SERAC1: variants seen among roughly 807,000 people sequenced by gnomAD.
SERAC1 encodes the protein protein SERAC1.
In SERAC1, 36 loss-of-function variants were observed where a neutral mutation model predicts 85.7. The ratio of observed to expected loss-of-function variants is 0.42; its 90% CI spans 0.32 to 0.55. The LOEUF (loss-of-function observed/expected upper bound fraction) is 0.55, where lower values mean the gene tolerates loss of function less well. Ranked by LOEUF, SERAC1 falls within the 20% of genes least tolerant of loss-of-function variation. The pLI, the probability that SERAC1 is intolerant of heterozygous loss-of-function variation, is 0.11. For missense variants in SERAC1, 629 were observed against 796.2 expected (o/e 0.79, Z 2.53); for synonymous variants, 242 against 265.3 (o/e 0.91, Z 0.85).
At chr6:158,115,795 C>T (rs1441506764) in intron 14 of SERAC1, among the ~76,000 whole-genome samples, 1 of 152,168 alleles carries the variant, frequency 6.6e-6, no homozygotes, top group African/African-American at 2.4e-5. Context: ...CTAAAGCGAC[C>T]ATAGACTGCA....
At chr6:158,111,949 G>A (rs1784152968) in intron 16 of SERAC1, 1 of 153,320 alleles carries the variant, frequency 6.5e-6, no homozygotes, top group Admixed American at 6.4e-5. Context: ...ATGATTTAGT[G>A]CTTGAGATAT....
intron 9 of SERAC1, among the ~76,000 whole-genome samples, chr6:158,129,702 T>G (rs571000353): frequency 3.1e-5 from 1 of 32,210 alleles, no homozygotes; most frequent in African/African-American, 1.8e-4. Flanking sequence ...TTTTGTTTTG[T>G]TTTTTTTTTT....
intron 10 of SERAC1, among the ~76,000 whole-genome samples, chr6:158,122,005 T>C (rs1012766066): frequency 2.0e-5 from 3 of 152,266 alleles, no homozygotes; most frequent in African/African-American, 7.2e-5. Flanking sequence ...CAGTCAACAA[T>C]GAACCACAAA....
chr6:158,141,695 C>T (rs544537036), intron 8 of SERAC1, among the ~76,000 whole-genome samples: 1 of 152,206 alleles, frequency 6.6e-6, no homozygotes, highest in African/African-American at 2.4e-5. Context: ...GCCAGGGATA[C>T]CTTGTCAAAA....
rs1254824606 is a variant in SERAC1, at chr6:158,143,002, C to T, written c.738+54G>A. 4 of 1,423,434 alleles carry T rather than the reference C, an allele frequency of 2.8e-6. No homozygotes were observed. The East Asian group carries it at 6.9e-5, about 24-fold the overall frequency. 88.2% of individuals were successfully genotyped at this position (1,423,434 alleles called of 1,614,324 possible). A position where few individuals can be genotyped will look rare whatever the true frequency, so the allele number is the denominator to read the frequency against. On this transcript the variant is annotated intron_variant, in intron 8 of 16. Transcript: ENST00000647468. Reference sequence around the variant, plus strand: ...GTGAATGCCAGCCACTGACACAATACATTGGAAAGGGTGGACACTCAAAAA... The same window carrying T: ...GTGAATGCCAGCCACTGACACAATATATTGGAAAGGGTGGACACTCAAAAA...
chr6:158,133,266 C>A (rs1001429688), intron 8 of SERAC1, among the ~76,000 whole-genome samples: 4 of 151,080 alleles, frequency 2.6e-5, no homozygotes, highest in African/African-American at 9.7e-5. Context: ...GCCACTGCAC[C>A]CCAGCCTGGG....
chr6:158,141,650 G>A (rs997797208), intron 8 of SERAC1, among the ~76,000 whole-genome samples: 5 of 152,072 alleles, frequency 3.3e-5, no homozygotes, highest in African/African-American at 9.7e-5. Flanking sequence ...TTGGAGAAGC[G>A]GCCAAATCTT....
Position 158,117,548 on chromosome 6 carries a change from TCCA to T in SERAC1, c.1403+176_1403+178del. On this transcript the variant is annotated intron_variant, in intron 13 of 16. Coordinates refer to ENST00000647468, the MANE Select transcript of SERAC1 (RefSeq NM_032861.4). This position sits in a 1 kb window ranked among gnomAD's most constrained non-coding sequence, Gnocchi z 4.3. ...GTGATATACCTAAGCCTTCTACTAT[TCCA>T]CTGCTTATTGACAGCAAACTCCTTC... 6.4e-7 allele frequency: 1 copy of T among 1,550,906 alleles called. No homozygotes were observed. Among genetic ancestry groups the T allele is most frequent in the Non-Finnish European group, 8.7e-7 (1 of 1,147,006 alleles).
At chr6:158,133,452 C>T (rs1784725914) in intron 8 of SERAC1, among the ~76,000 whole-genome samples, 2 of 130,942 alleles carry the variant, frequency 1.5e-5, no homozygotes, top group South Asian at 4.9e-4. Context: ...GTGGTGCAAT[C>T]TCAGCTCGCT....
intron 1 of SERAC1, chr6:158,160,824 T>G (rs917955324): frequency 9.2e-5 from 13 of 142,068 alleles, no homozygotes; most frequent in African/African-American, 4.1e-4. Flanking sequence ...CTCTCCTATC[T>G]TGTCTAGTAT....
At chr6:158,137,240 T>C (rs1784815309) in intron 8 of SERAC1, among the ~76,000 whole-genome samples, 1 of 151,594 alleles carries the variant, frequency 6.6e-6, no homozygotes. Flanking sequence ...TATTTAAATA[T>C]TAAATTAATT....
intron 7 of SERAC1, 54 bp downstream of exon 7, chr6:158,144,245 A>C: frequency 7.1e-7 from 1 of 1,412,742 alleles, no homozygotes; most frequent in Non-Finnish European, 9.8e-7. Flanking sequence ...AGTGAAGATA[A>C]TATATTAAAC....
chr6:158,114,779 A>AAAGTATTAAC lies in SERAC1; in HGVS notation c.1684+9_1684+10insGTTAATACTT. ...ATAACCCCAATTTCCTTTATGACAA[A>AAAGTATTAAC]AAGTATTACCCTTGCTGAGTTCTTT... On this transcript the variant is annotated intron_variant, in intron 15 of 16. Coordinates refer to ENST00000647468, the MANE Select transcript of SERAC1 (RefSeq NM_032861.4). The AAAGTATTAAC allele has an allele frequency of 6.2e-7, 1 of 1,613,608 alleles. No homozygotes were observed. Among genetic ancestry groups the AAAGTATTAAC allele is most frequent in the Non-Finnish European group, 8.5e-7 (1 of 1,179,664 alleles).
rs760987565 is a variant in SERAC1, at chr6:158,116,179, A to G, written c.1501+6T>C. On this transcript the variant is annotated splice_donor_region_variant and intron_variant, in intron 14 of 16. Coordinates refer to ENST00000647468, the MANE Select transcript of SERAC1 (RefSeq NM_032861.4). The stretch of plus-strand genomic sequence containing the variant: ...GGCCACTTCACAAAGTTGAAGCCAC[A>G]CTTACCTCCCATGCTATGTGATATC... 2.5e-6 allele frequency: 4 copies of G among 1,612,242 alleles called. No individual in the cohort carries two copies. Among genetic ancestry groups the G allele is most frequent in the Middle Eastern group, 1.7e-4 (1 of 6,056 alleles).
At chr6:158,129,708 T>G (rs1048309608) in intron 9 of SERAC1, among the ~76,000 whole-genome samples, 2 of 151,622 alleles carry the variant, frequency 1.3e-5, no homozygotes, top group African/African-American at 4.8e-5. Context: ...TTTGTTTTTT[T>G]TTTTTTGAGA....
At chr6:158,125,999 G>C (rs1202925577) in intron 10 of SERAC1, among the ~76,000 whole-genome samples, 1 of 152,062 alleles carries the variant, frequency 6.6e-6, no homozygotes, top group East Asian at 1.9e-4. Flanking sequence ...AAAGCAAAGA[G>C]CAAGATGACC....
intron 1 of SERAC1, among the ~76,000 whole-genome samples, chr6:158,165,630 ATCT>A (rs911788194): frequency 6.6e-6 from 1 of 152,108 alleles, no homozygotes; most frequent in Non-Finnish European, 1.5e-5. Flanking sequence ...TCCTCCACAA[ATCT>A]TCTCCATCAC....
chr6:158,143,585 C>T (rs1009629261), intron 7 of SERAC1, among the ~76,000 whole-genome samples: 4 of 152,068 alleles, frequency 2.6e-5, no homozygotes, highest in Non-Finnish European at 5.9e-5. Context: ...ACATTCTCAA[C>T]ATCTTGACTC....
chr6:158,127,375 G>A (rs1205457347), intron 10 of SERAC1, among the ~76,000 whole-genome samples: 1 of 67,938 alleles, frequency 1.5e-5, no homozygotes, highest in African/African-American at 5.3e-5. Flanking sequence ...GGGAGGTGGG[G>A]GGGTCAGCCC....
Sources: allele counts gnomAD v4.1 joint callset (sites outside exome capture counted in the v4.1 genomes callset), GRCh38; gene constraint gnomAD v4.1.1; non-coding constraint Gnocchi (gnomAD v3.1); transcripts MANE v1.5; gene names NCBI Gene and HGNC (gene_info 2026-07-23, HGNC 2026-07-21).